Variants in DCLK2 observed in about 807,000 individuals in gnomAD.
DCLK2 encodes serine/threonine-protein kinase DCLK2.
Under a neutral mutation model 78.4 loss-of-function variants are expected in DCLK2, and 31 were observed. That is an observed-to-expected ratio of 0.40 (90% CI 0.30 to 0.53). The LOEUF is 0.53. Among genes scored for constraint, DCLK2 ranks in the 20% least tolerant of loss-of-function variants. The pLI is 0.61. For synonymous variants in DCLK2, 407 were observed against 374.9 expected, an observed-to-expected ratio of 1.09 and a Z score of -0.99; for missense variants, 872 against 973.7, an observed-to-expected ratio of 0.90 and a Z score of 1.39.
intron 15 of DCLK2, among the ~76,000 whole-genome samples, chr4:150,250,511 A>C (rs1159875236): frequency 1.3e-5 from 2 of 151,662 alleles, no homozygotes; most frequent in African/African-American, 4.9e-5. Context: ...CTCCCCACAC[A>C]CTCCCAGGAG....
At chr4:150,141,980 G>A (rs1465538173) in intron 2 of DCLK2, among the ~76,000 whole-genome samples, 1 of 152,138 alleles carries the variant, frequency 6.6e-6, no homozygotes, top group Non-Finnish European at 1.5e-5. Context: ...AAATGCTTCA[G>A]ATCTCTTTCA....
chr4:150,164,746 C>A lies in DCLK2; in HGVS notation c.757-28392C>A, dbSNP rs191752547. On this transcript the variant is annotated intron_variant, in intron 2 of 15. Transcript: ENST00000296550. ...CACAGGAGGTGGAGGTTGCAGTGAG[C>A]TGAGATTGTGCCACTGCACTCCAGC... 8.5e-4 allele frequency among the ~76,000 whole-genome samples: 130 copies of A among 152,266 alleles called. 3 individuals are homozygous for A. In the East Asian group the frequency reaches 0.024, roughly 28 times the overall value.
chr4:150,101,047 G>T (rs1730857107), intron 1 of DCLK2, among the ~76,000 whole-genome samples: 1 of 152,134 alleles, frequency 6.6e-6, no homozygotes, highest in Non-Finnish European at 1.5e-5. Context: ...GAACACAGGA[G>T]TTCAAGACCA....
chr4:150,169,345 A>T (rs1736333937), intron 2 of DCLK2, among the ~76,000 whole-genome samples: 1 of 152,240 alleles, frequency 6.6e-6, no homozygotes, highest in Admixed American at 6.5e-5. Context: ...TTCGTACATC[A>T]GGCAGCCTTC....
intron 2 of DCLK2, among the ~76,000 whole-genome samples, chr4:150,117,287 C>A (rs1219772370): frequency 6.6e-6 from 1 of 152,276 alleles, no homozygotes; most frequent in East Asian, 1.9e-4. Flanking sequence ...GCAGGTCTCT[C>A]GTAGGCAGTG....
chr4:150,078,938 G>C lies in DCLK2; in HGVS notation c.-90G>C, dbSNP rs1729017536. The C allele has an allele frequency of 7.1e-7, 1 of 1,404,334 alleles. No individual in the cohort carries two copies. The highest frequency in any genetic ancestry group is 3.1e-5 in the Admixed American group (1 of 32,026). 87.0% of individuals were successfully genotyped at this position (1,404,334 alleles called of 1,614,324 possible). A position where few individuals can be genotyped will look rare whatever the true frequency, so the allele number is the denominator to read the frequency against. ...AGAGCCAGGTGTCCCGGCGCGTTAAGGGCCCTCGCAGTCAGACGTCCCTGC... is the reference window on the plus strand; with the variant it reads ...AGAGCCAGGTGTCCCGGCGCGTTAACGGCCCTCGCAGTCAGACGTCCCTGC... On this transcript the variant is annotated 5_prime_UTR_variant, in exon 1 of 16. Transcript: ENST00000296550.
chr4:150,136,017 C>T (rs541855282), intron 2 of DCLK2, among the ~76,000 whole-genome samples: 1 of 152,240 alleles, frequency 6.6e-6, no homozygotes, highest in East Asian at 1.9e-4. Flanking sequence ...TTGTGTTGAT[C>T]AAGATTTGGA....
At chr4:150,250,818 G>C (rs1009799366) in intron 15 of DCLK2, among the ~76,000 whole-genome samples, 1 of 149,848 alleles carries the variant, frequency 6.7e-6, no homozygotes, top group Non-Finnish European at 1.5e-5. Flanking sequence ...GCAGGGTCTA[G>C]ATAGAAGCTA....
At chr4:150,118,296 A>C (rs965806261) in intron 2 of DCLK2, among the ~76,000 whole-genome samples, 16 of 139,026 alleles carry the variant, frequency 1.2e-4, no homozygotes, top group African/African-American at 4.0e-4. Context: ...ATGCAGTTTC[A>C]CTTGGTGTTT....
At chr4:150,173,319 A>T (rs1442794365) in intron 2 of DCLK2, among the ~76,000 whole-genome samples, 1 of 152,122 alleles carries the variant, frequency 6.6e-6, no homozygotes, top group African/African-American at 2.4e-5. Flanking sequence ...ACTTTTGGAC[A>T]TTGAGTATCT....
Position 150,240,445 on chromosome 4 carries a change from A to G in DCLK2, c.1747A>G (p.Ile583Val), listed in dbSNP as rs35745104. ...TTGGGCAGCTGGTGTGATCACATAC[A>G]TACTTCTCTGTGGATTCCCACCATT... ...DIWAAGVITY[I>V]LLCGFPPFRS... The change falls in exon 12 of 16, where the codon ATA becomes GTA. Residue 583 changes from isoleucine to valine, a missense_variant. By Grantham distance (29) the Ile-to-Val change is conservative. Transcript: ENST00000296550. The G allele has an allele frequency of 3.0e-5, 48 of 1,613,670 alleles. No individual in the cohort carries two copies. In the East Asian group the frequency reaches 8.2e-4, roughly 28 times the overall value.
intron 2 of DCLK2, among the ~76,000 whole-genome samples, chr4:150,156,483 A>AAAATAAATAAAT (rs545633598): frequency 0.015 from 2,214 of 143,170 alleles, 47 homozygotes; most frequent in East Asian, 0.067. Context: ...CGTCTCTACC[A>AAAATAAATAAAT]AAATAAATAA....
intron 14 of DCLK2, 41 bp downstream of exon 14, chr4:150,248,426 C>G: frequency 6.6e-7 from 1 of 1,513,502 alleles, no homozygotes; most frequent in South Asian, 1.1e-5. Context: ...TCACTGTGCT[C>G]TGTGGCCAAC....
chr4:150,229,637 C>T (rs1025892763), intron 8 of DCLK2, among the ~76,000 whole-genome samples: 7 of 151,928 alleles, frequency 4.6e-5, no homozygotes, highest in Non-Finnish European at 1.0e-4. Flanking sequence ...TCCTATTATA[C>T]CCCCCCATTC....
At chr4:150,198,910 A>AT (rs751664389) in intron 4 of DCLK2, 4 of 239,904 alleles carry the variant, frequency 1.7e-5, no homozygotes, top group East Asian at 9.2e-5. Flanking sequence ...CCCTTTCAGC[A>AT]CCCCCCCCCC....
At chr4:150,159,861 T>A (rs1013326385) in intron 2 of DCLK2, among the ~76,000 whole-genome samples, 3 of 152,110 alleles carry the variant, frequency 2.0e-5, no homozygotes, top group Non-Finnish European at 4.4e-5. Context: ...AGAACAGGAA[T>A]CCCTGGGCAC....
chr4:150,239,381 C>G (rs576797690), intron 10 of DCLK2, among the ~76,000 whole-genome samples: 1 of 152,020 alleles, frequency 6.6e-6, no homozygotes, highest in Non-Finnish European at 1.5e-5. Context: ...GCAGATCTCA[C>G]GATCCCAGGA....
At chr4:150,098,130 G>T (rs774443439) in intron 1 of DCLK2, among the ~76,000 whole-genome samples, 9 of 152,088 alleles carry the variant, frequency 5.9e-5, no homozygotes, top group African/African-American at 1.4e-4. Context: ...ACTCTGTCTT[G>T]GGTGCTGTCA....
intron 1 of DCLK2, among the ~76,000 whole-genome samples, chr4:150,085,391 A>G (rs748538524): frequency 1.3e-5 from 2 of 152,206 alleles, no homozygotes; most frequent in Non-Finnish European, 2.9e-5. Flanking sequence ...GGGTCATCCC[A>G]TGGTGGAAGG....
Sources: allele counts gnomAD v4.1 joint callset (sites outside exome capture counted in the v4.1 genomes callset), GRCh38; gene constraint gnomAD v4.1.1; transcripts MANE v1.5; gene names NCBI Gene and HGNC (gene_info 2026-07-23, HGNC 2026-07-21).